HORMAD2: variants seen among roughly 807,000 people sequenced by gnomAD.
HORMAD2 encodes the protein HORMA domain containing 2.
A neutral mutation model predicts 38.8 loss-of-function variants in HORMAD2; 45 were observed. That is an observed-to-expected ratio of 1.16 (90% confidence interval 0.91 to 1.49). The LOEUF (loss-of-function observed/expected upper bound fraction) is 1.49. Among genes scored for constraint, HORMAD2 ranks in the 40% most tolerant of loss-of-function variants. The pLI is 0.00. For synonymous variants in HORMAD2, 126 were observed against 122.8 expected, an observed-to-expected ratio of 1.03 and a Z score of -0.17; for missense variants, 338 against 367.0, an observed-to-expected ratio of 0.92 and a Z score of 0.65.
chr22:30,180,395 C>A (rs990946699), downstream of HORMAD2, among the ~76,000 whole-genome samples: 3 of 152,116 alleles, frequency 2.0e-5, no homozygotes, highest in African/African-American at 7.2e-5. Context: ...TATTTCAGGA[C>A]TCCTGAAGGC....
intron 10 of HORMAD2, among the ~76,000 whole-genome samples, chr22:30,167,645 G>A (rs1038681556): frequency 2.0e-5 from 3 of 152,180 alleles, no homozygotes; most frequent in African/African-American, 7.2e-5. Context: ...GTAGAGTCAT[G>A]AGGAAAAATT....
chr22:30,087,344 G>A (rs1350324024), intron 1 of HORMAD2, among the ~76,000 whole-genome samples: 1 of 152,174 alleles, frequency 6.6e-6, no homozygotes, highest in Admixed American at 6.5e-5. Context: ...AGGTGGAACA[G>A]TCTTATGATC....
chr22:30,126,534 A>G (rs1351133836), intron 10 of HORMAD2, among the ~76,000 whole-genome samples: 1 of 152,178 alleles, frequency 6.6e-6, no homozygotes, highest in African/African-American at 2.4e-5. Flanking sequence ...ATGTTGTTGT[A>G]GACCATCCTG....
intron 10 of HORMAD2, among the ~76,000 whole-genome samples, chr22:30,172,978 C>T (rs902385715): frequency 1.3e-5 from 2 of 151,986 alleles, no homozygotes. Context: ...ATAGTAAATC[C>T]TACAAAAGGG....
chr22:30,168,811 C>T (rs1426731638), intron 10 of HORMAD2, among the ~76,000 whole-genome samples: 1 of 152,102 alleles, frequency 6.6e-6, no homozygotes, highest in Non-Finnish European at 1.5e-5. Context: ...AGCCTCATTG[C>T]TTCTCGTCTT....
intron 5 of HORMAD2, among the ~76,000 whole-genome samples, chr22:30,108,608 C>T (rs1477306370): frequency 6.6e-6 from 1 of 152,018 alleles, no homozygotes; most frequent in Non-Finnish European, 1.5e-5. Context: ...CTAGATGGTC[C>T]CTTTATTTCA....
At chr22:30,083,629 T>C (rs2068522258) in intron 1 of HORMAD2, among the ~76,000 whole-genome samples, 1 of 152,014 alleles carries the variant, frequency 6.6e-6, no homozygotes, top group South Asian at 2.1e-4. Flanking sequence ...CTGGCTTTTT[T>C]TTTGAGACGG....
the HORMAD2 span, among the ~76,000 whole-genome samples, chr22:30,191,337 G>T: frequency 6.6e-6 from 1 of 152,140 alleles, no homozygotes; most frequent in East Asian, 1.9e-4. Flanking sequence ...TTTTTGATAG[G>T]AAAGAAAGTT....
chr22:30,201,843 A>T, the HORMAD2 span, among the ~76,000 whole-genome samples: 1 of 152,196 alleles, frequency 6.6e-6, no homozygotes, highest in South Asian at 2.1e-4. Flanking sequence ...GTACATTGAA[A>T]AAAAGCATTT....
At chr22:30,134,457 A>T (rs921353916) in intron 10 of HORMAD2, among the ~76,000 whole-genome samples, 4 of 147,536 alleles carry the variant, frequency 2.7e-5, no homozygotes, top group South Asian at 2.1e-4. Context: ...TAAATATATT[A>T]TATATATGTA....
chr22:30,137,273 C>A, intron 10 of HORMAD2: 1 of 544,628 alleles, frequency 1.8e-6, no homozygotes, highest in South Asian at 1.6e-5. Context: ...AACACATGAC[C>A]CTTGAGGCCA....
At chr22:30,196,188 T>C in the HORMAD2 span, among the ~76,000 whole-genome samples, 344 of 152,314 alleles carry the variant, frequency 2.3e-3, 1 homozygote, top group African/African-American at 7.8e-3. Context: ...CCTCTGATGA[T>C]TGGACAAGAG....
the HORMAD2 span, among the ~76,000 whole-genome samples, chr22:30,198,082 G>A: frequency 1.3e-5 from 2 of 152,206 alleles, no homozygotes; most frequent in African/African-American, 2.4e-5. Flanking sequence ...TACTCCAGAA[G>A]CTGAGGCAGG....
the HORMAD2 span, chr22:30,207,166 G>A: frequency 5.7e-4 from 261 of 459,046 alleles, 1 homozygote; most frequent in Non-Finnish European, 1.1e-4. Context: ...CGCCCAGGCT[G>A]AATCCGCAGA....
chr22:30,117,038 G>C lies in HORMAD2; in HGVS notation c.343-1942G>C, dbSNP rs139785906. On this transcript the variant is annotated intron_variant, in intron 7 of 10. Coordinates refer to ENST00000336726, the MANE Select transcript of HORMAD2 (RefSeq NM_152510.4). ...CAAAGCAGTTTTCTGAACTTGATTT[G>C]ATTTCTCAAGTAGGCTGTCTTATTC... Among the ~76,000 whole-genome samples the C allele has an allele frequency of 2.2e-3, 329 of 152,268 alleles. 1 individual carries two copies. Among genetic ancestry groups the C allele is most frequent in the Non-Finnish European group, 1.4e-3 (92 of 68,016 alleles).
intron 10 of HORMAD2, among the ~76,000 whole-genome samples, chr22:30,145,862 A>G (rs1378035191): frequency 6.6e-6 from 1 of 152,202 alleles, no homozygotes; most frequent in African/African-American, 2.4e-5. Flanking sequence ...ATAGAGGAGA[A>G]GGCTTCACAA....
At chr22:30,123,119 T>C (rs1331965628) in intron 10 of HORMAD2, among the ~76,000 whole-genome samples, 1 of 152,202 alleles carries the variant, frequency 6.6e-6, no homozygotes, top group Non-Finnish European at 1.5e-5. Flanking sequence ...GTTCTAGTTG[T>C]TCTAGTTTTA....
intron 10 of HORMAD2, among the ~76,000 whole-genome samples, chr22:30,141,348 T>G (rs117382217): frequency 2.0e-5 from 3 of 152,144 alleles, no homozygotes; most frequent in African/African-American, 7.2e-5. Context: ...GTTGTTTAAT[T>G]TCCACATACT....
chr22:30,182,635 T>G, the HORMAD2 span, among the ~76,000 whole-genome samples: 868 of 152,242 alleles, frequency 5.7e-3, 8 homozygotes, highest in African/African-American at 0.02. Context: ...AGTAAATATT[T>G]GTTGAATGAG....
Sources: allele counts gnomAD v4.1 joint callset (sites outside exome capture counted in the v4.1 genomes callset), GRCh38; gene constraint gnomAD v4.1.1; transcripts MANE v1.5; gene names NCBI Gene and HGNC (gene_info 2026-07-23, HGNC 2026-07-21).